Variants in ARHGEF38 observed in about 807,000 individuals in gnomAD.
ARHGEF38 encodes the protein Rho guanine nucleotide exchange factor 38, also known as Rho guanine nucleotide exchange factor (GEF) 38.
ARHGEF38 carries 79 observed loss-of-function variants against 79.9 expected under a neutral mutation model. That is an observed-to-expected ratio of 0.99 (90% CI 0.82 to 1.19). The LOEUF (loss-of-function observed/expected upper bound fraction) is 1.19, where lower values mean the gene tolerates loss of function less well. Ranked by LOEUF, ARHGEF38 falls within the 50% of genes most tolerant of loss-of-function variation. ARHGEF38 has a pLI of 0.00. For missense variants in ARHGEF38, 962 were observed against 907.2 expected (o/e 1.06, Z -0.78); for synonymous variants, 366 against 328.3 (o/e 1.11, Z -1.24).
intron 2 of ARHGEF38, among the ~76,000 whole-genome samples, chr4:105,604,766 C>A (rs1456207957): frequency 6.6e-6 from 1 of 152,112 alleles, no homozygotes; most frequent in Non-Finnish European, 1.5e-5. Context: ...TTCACACACA[C>A]CCTCACACAG....
At chr4:105,617,091 G>C (rs935914088) in intron 3 of ARHGEF38, among the ~76,000 whole-genome samples, 4 of 152,128 alleles carry the variant, frequency 2.6e-5, no homozygotes, top group African/African-American at 9.7e-5. Context: ...CAGATGAATC[G>C]AATAATAGTT....
intron 3 of ARHGEF38, among the ~76,000 whole-genome samples, chr4:105,614,137 C>A (rs1159023435): frequency 2.0e-5 from 3 of 152,108 alleles, no homozygotes; most frequent in African/African-American, 7.2e-5. Context: ...TTATGCTCTC[C>A]ATTTCTTGGG....
At chr4:105,655,495 C>A (rs1333470631) in intron 8 of ARHGEF38, 108 bp from the exon 9 acceptor site, 4 of 1,126,034 alleles carry the variant, frequency 3.6e-6, no homozygotes, top group South Asian at 3.6e-5. Flanking sequence ...TTTTAAATAA[C>A]CTCTCAGTGA....
intron 3 of ARHGEF38, among the ~76,000 whole-genome samples, chr4:105,615,397 T>G (rs1728472039): frequency 6.6e-6 from 1 of 152,136 alleles, no homozygotes; most frequent in African/African-American, 2.4e-5. Flanking sequence ...AATATAGGCA[T>G]GTGGTAATAA....
chr4:105,603,692 T>C (rs183242462), intron 2 of ARHGEF38, among the ~76,000 whole-genome samples: 3 of 152,292 alleles, frequency 2.0e-5, no homozygotes, highest in Admixed American at 2.0e-4. Flanking sequence ...TATACTAGCT[T>C]CCACACCTCA....
In ARHGEF38 at chr4:105,677,860, G is replaced by A; in HGVS notation, c.2257G>A (p.Glu753Lys). ...LRFCDLSGNKEWWLAEAQGQK... is the reference protein window; with the variant it reads ...LRFCDLSGNKKWWLAEAQGQK... ...GTTTTGTGACCTAAGTGGCAATAAA[G>A]AGTGGTGGTTAGCTGAAGCTCAAGG... The change falls in exon 14 of 14, where the codon GAG becomes AAG. Residue 753 changes from glutamate to lysine, a missense_variant. Physicochemically the swap from Glu to Lys is moderately conservative, Grantham distance 56. Transcript: ENST00000420470. 2.0e-6 allele frequency: 3 copies of A among 1,535,460 alleles called. No individual in the cohort carries two copies. Among genetic ancestry groups the A allele is most frequent in the Non-Finnish European group, 2.6e-6 (3 of 1,146,372 alleles).
intron 3 of ARHGEF38, among the ~76,000 whole-genome samples, chr4:105,618,070 T>A (rs1728581492): frequency 6.6e-6 from 1 of 152,202 alleles, no homozygotes. Flanking sequence ...ATAATGCCTA[T>A]AAAAATATTT....
At chr4:105,617,340 A>C (rs1728550131) in intron 3 of ARHGEF38, among the ~76,000 whole-genome samples, 1 of 152,176 alleles carries the variant, frequency 6.6e-6, no homozygotes, top group Admixed American at 6.5e-5. Flanking sequence ...GTAGTTGAAA[A>C]TGATTGGTGT....
chr4:105,613,554 T>C (rs1381778135), intron 3 of ARHGEF38, 47 bp downstream of exon 3: 2 of 1,596,662 alleles, frequency 1.3e-6, no homozygotes, highest in Non-Finnish European at 8.6e-7. Context: ...AGGAAATAAT[T>C]TTTTAATAAC....
At chr4:105,561,391 A>G (rs1347081356) in intron 1 of ARHGEF38, among the ~76,000 whole-genome samples, 1 of 13,180 alleles carries the variant, frequency 7.6e-5, no homozygotes, top group Non-Finnish European at 2.7e-4. Context: ...TCTCAAAAAT[A>G]GAGTAGAATA....
At chr4:105,627,510 G>A (rs1042074214) in intron 3 of ARHGEF38, among the ~76,000 whole-genome samples, 26 of 152,330 alleles carry the variant, frequency 1.7e-4, no homozygotes, top group African/African-American at 6.3e-4. Context: ...TATTTTTAAT[G>A]AAGATAACTA....
At position 105,613,373 on chromosome 4, in the gene ARHGEF38, T is replaced by C. The variant is rs1023583269; in HGVS notation, c.385-11T>C. ...GCTTCTCCATCAGCTCAATGTTTTT[T>C]GTTTCTTCAGACTGATAGGCTGGAT... On this transcript the variant is annotated splice_polypyrimidine_tract_variant and intron_variant, in intron 2 of 13. Coordinates refer to ENST00000420470, the MANE Select transcript of ARHGEF38 (RefSeq NM_001242729.2). 1.2e-6 allele frequency: 2 copies of C among 1,611,158 alleles called. No homozygotes were observed. Among genetic ancestry groups the C allele is most frequent in the African/African-American group, 2.7e-5 (2 of 74,964 alleles).
intron 1 of ARHGEF38, among the ~76,000 whole-genome samples, chr4:105,574,401 T>C (rs1238068241): frequency 6.6e-6 from 1 of 151,576 alleles, no homozygotes; most frequent in Non-Finnish European, 1.5e-5. Flanking sequence ...CAAAAAAAAA[T>C]TTAGCCAGGC....
chr4:105,603,674 G>T (rs1222089980), intron 2 of ARHGEF38, among the ~76,000 whole-genome samples: 11 of 152,228 alleles, frequency 7.2e-5, no homozygotes, highest in African/African-American at 2.6e-4. Context: ...CAGAGTCATA[G>T]ATATGTTTAT....
Position 105,628,637 on chromosome 4 carries a change from T to C in ARHGEF38, c.509-2261T>C, listed in dbSNP as rs115468710. 3.7e-3 allele frequency among the ~76,000 whole-genome samples: 565 copies of C among 152,268 alleles called. 4 individuals are homozygous for C. The highest frequency in any genetic ancestry group is 0.013 in the African/African-American group (526 of 41,564). On this transcript the variant is annotated intron_variant, in intron 3 of 13. Coordinates refer to ENST00000420470, the MANE Select transcript of ARHGEF38 (RefSeq NM_001242729.2). ...TCAGCTCCAAAGATGCTCACAGTTA[T>C]TGAGTTTTCTTATAGGCCCCCAGAA...
At chr4:105,681,238 T>C (rs746012045), downstream of ARHGEF38, among the ~76,000 whole-genome samples, 1 of 151,780 alleles carries the variant, frequency 6.6e-6, no homozygotes, top group Non-Finnish European at 1.5e-5. Flanking sequence ...TTACTACAAA[T>C]AATTTAGCAC....
intron 13 of ARHGEF38, among the ~76,000 whole-genome samples, chr4:105,672,725 C>G (rs1730996282): frequency 6.6e-6 from 1 of 152,190 alleles, no homozygotes; most frequent in African/African-American, 2.4e-5. Context: ...TAGCTGCAAT[C>G]TAGCTGTTTG....
Position 105,680,117 on chromosome 4 carries a change from A to C in ARHGEF38, c.*2180A>C. On this transcript the variant is annotated 3_prime_UTR_variant, in exon 14 of 14. Coordinates refer to ENST00000420470, the MANE Select transcript of ARHGEF38 (RefSeq NM_001242729.2). ...ATCTCATTTTCATCTGTGTTTTATA[A>C]AGGAGGAAATTGAGGACCTCACATG... is the stretch of plus-strand genomic sequence containing the variant. 1.4e-6 allele frequency: 1 copy of C among 727,848 alleles called. No homozygotes were observed. Among genetic ancestry groups the C allele is most frequent in the Non-Finnish European group, 2.6e-6 (1 of 388,302 alleles). 45.1% of individuals were successfully genotyped at this position (727,848 alleles called of 1,614,324 possible).
chr4:105,596,250 G>A (rs1163447587), intron 2 of ARHGEF38, among the ~76,000 whole-genome samples: 2 of 152,166 alleles, frequency 1.3e-5, no homozygotes, highest in African/African-American at 2.4e-5. Context: ...CCCTGGGATA[G>A]GGAAACACAA....
Sources: gnomAD v4.1 joint callset for allele counts (sites outside exome capture counted in the v4.1 genomes callset) on GRCh38, gnomAD v4.1.1 for gene constraint, MANE v1.5 for transcripts, NCBI Gene and HGNC (gene_info 2026-07-23, HGNC 2026-07-21) for gene names.